The following SCP2 variants were observed in gnomAD, a reference collection of about 807,000 sequenced individuals.
The protein encoded by SCP2 is sterol carrier protein 2, also known as SCP-2/3-oxoacyl-CoA thiolase.
A neutral mutation model predicts 71.4 loss-of-function variants in SCP2; 48 were observed. That is an observed-to-expected ratio of 0.67 (90% CI 0.53 to 0.86). The LOEUF is 0.86. Among genes scored for constraint, SCP2 ranks in the 40% least tolerant of loss-of-function variants. SCP2 has a pLI of 0.00. For missense variants in SCP2, 560 were observed against 655.6 expected, an observed-to-expected ratio of 0.85 and a Z score of 1.59; for synonymous variants, 220 against 218.1, an observed-to-expected ratio of 1.01 and a Z score of -0.08.
chr1:53,027,997 G>A lies in SCP2; in HGVS notation c.1264G>A (p.Val422Ile), dbSNP rs370480896. ...SSFRTHQIEA[V>I]PTSSASDGFK... The stretch of plus-strand genomic sequence containing the variant: ...TTTTAGAACTCATCAAATTGAAGCT[G>A]TTCCAACCAGCTCTGCAAGTGATGG... Residue 422 changes from valine to isoleucine, a missense_variant, in exon 13 of 16, where the codon GTT becomes ATT. By Grantham distance (29) the Val-to-Ile change is conservative. Coordinates refer to ENST00000371514, the MANE Select transcript of SCP2 (RefSeq NM_002979.5). 1.2e-5 allele frequency: 20 copies of A among 1,610,618 alleles called. No homozygotes were observed. The highest frequency in any genetic ancestry group is 4.0e-5 in the African/African-American group (3 of 74,812).
intron 13 of SCP2, among the ~76,000 whole-genome samples, chr1:53,037,868 C>T (rs948073088): frequency 7.2e-6 from 1 of 139,398 alleles, no homozygotes; most frequent in African/African-American, 2.7e-5. Context: ...TAGGGAGATC[C>T]TGTCTCTACA....
intron 11 of SCP2, among the ~76,000 whole-genome samples, chr1:52,990,102 T>G (rs1659337596): frequency 6.6e-6 from 1 of 152,160 alleles, no homozygotes; most frequent in African/African-American, 2.4e-5. Flanking sequence ...AAGAGAAAAT[T>G]CAGTGGCCAT....
intron 10 of SCP2, 79 bp from the exon 11 acceptor site, chr1:52,987,950 A>T: frequency 1.3e-6 from 1 of 796,124 alleles, no homozygotes; most frequent in Non-Finnish European, 2.2e-6. Context: ...ATTCTTGGCT[A>T]TATGGAAATC....
intron 5 of SCP2, among the ~76,000 whole-genome samples, chr1:52,960,701 G>A (rs908099713): frequency 1.4e-5 from 2 of 143,298 alleles, no homozygotes; most frequent in Admixed American, 7.0e-5. Context: ...TGTGTGTTGT[G>A]TGTATATATT....
chr1:52,976,651 C>G, intron 7 of SCP2, 32 bp from the exon 8 acceptor site: 1 of 1,077,896 alleles, frequency 9.3e-7, no homozygotes. Flanking sequence ...TGCTATCTCA[C>G]ATTCTGTAAC....
intron 1 of SCP2, among the ~76,000 whole-genome samples, chr1:52,938,219 A>G (rs187904030): frequency 1.4e-4 from 22 of 152,352 alleles, no homozygotes; most frequent in Admixed American, 1.1e-3. Context: ...CTCAGGAGAC[A>G]AGTCCTGTTG....
At chr1:53,007,218 C>T (rs557591841) in intron 11 of SCP2, among the ~76,000 whole-genome samples, 6 of 152,024 alleles carry the variant, frequency 3.9e-5, no homozygotes, top group Admixed American at 1.3e-4. Context: ...ATTAGATCAA[C>T]GAGAGAGAAA....
rs189555503 is a variant in SCP2 at position 52,939,960 on chromosome 1, A to G, written c.70-1836A>G. ...GCTGGGATTACAGATGTGTGCCACCATGCCCAACCTGTACATGTTTAGTTT... is the reference window on the plus strand; with the variant it reads ...GCTGGGATTACAGATGTGTGCCACCGTGCCCAACCTGTACATGTTTAGTTT... On this transcript the variant is annotated intron_variant, in intron 1 of 15. Coordinates refer to ENST00000371514, the MANE Select transcript of SCP2 (RefSeq NM_002979.5). Among the ~76,000 whole-genome samples the G allele has an allele frequency of 5.1e-3, 778 of 152,224 alleles. 8 individuals are homozygous for G. Among genetic ancestry groups the G allele is most frequent in the African/African-American group, 0.018 (758 of 41,546 alleles).
intron 5 of SCP2, among the ~76,000 whole-genome samples, chr1:52,956,755 G>GA (rs1217743381): frequency 1.3e-5 from 2 of 152,104 alleles, no homozygotes; most frequent in African/African-American, 4.8e-5. Context: ...TATGATACAT[G>GA]AAAAATATGT....
chr1:53,027,133 C>T (rs1662190396), intron 12 of SCP2, among the ~76,000 whole-genome samples: 1 of 152,040 alleles, frequency 6.6e-6, no homozygotes, highest in South Asian at 2.1e-4. Flanking sequence ...TAGAAATGGT[C>T]TGGTTCCATC....
intron 5 of SCP2, among the ~76,000 whole-genome samples, chr1:52,955,985 C>T (rs1655757511): frequency 1.3e-5 from 2 of 150,288 alleles, no homozygotes; most frequent in Non-Finnish European, 3.0e-5. Flanking sequence ...AAAAAAAAAA[C>T]TAAACAGAAT....
At chr1:52,980,040 C>G (rs1350303155) in intron 9 of SCP2, among the ~76,000 whole-genome samples, 1 of 151,782 alleles carries the variant, frequency 6.6e-6, no homozygotes, top group Admixed American at 6.6e-5. Context: ...GTGGGGTGAT[C>G]CTGGTTCCCT....
At chr1:53,047,343 G>A (rs1663884951) in intron 14 of SCP2, among the ~76,000 whole-genome samples, 1 of 152,216 alleles carries the variant, frequency 6.6e-6, no homozygotes, top group South Asian at 2.1e-4. Context: ...CTAGAAGCAA[G>A]TCACAGGTTC....
At chr1:53,010,718 G>GTA (rs1393583763) in intron 11 of SCP2, among the ~76,000 whole-genome samples, 3 of 152,048 alleles carry the variant, frequency 2.0e-5, no homozygotes, top group Non-Finnish European at 2.9e-5. Flanking sequence ...CATGGCACAT[G>GTA]TATATATATG....
At chr1:53,007,997 A>T (rs1418779760) in intron 11 of SCP2, among the ~76,000 whole-genome samples, 5 of 152,196 alleles carry the variant, frequency 3.3e-5, no homozygotes, top group Non-Finnish European at 7.3e-5. Flanking sequence ...AATACTATAA[A>T]CACCTCTACT....
chr1:52,947,241 T>TAAA (rs34249724), intron 2 of SCP2, among the ~76,000 whole-genome samples: 21 of 54,448 alleles, frequency 3.9e-4, no homozygotes, highest in South Asian at 1.0e-3. Flanking sequence ...ATGTTGTCCT[T>TAAA]AAAAAAAAAA....
intron 5 of SCP2, among the ~76,000 whole-genome samples, chr1:52,957,111 T>C (rs1168984468): frequency 6.6e-6 from 1 of 152,166 alleles, no homozygotes; most frequent in African/African-American, 2.4e-5. Context: ...GGTTTCACCA[T>C]ATTGGCCAGG....
At chr1:52,966,683 A>C (rs1369688692) in intron 6 of SCP2, among the ~76,000 whole-genome samples, 1 of 149,720 alleles carries the variant, frequency 6.7e-6, no homozygotes, top group Non-Finnish European at 1.5e-5. Context: ...CAGGAGTTTG[A>C]GACCAGCCTG....
chr1:53,028,641 A>G (rs920713682), intron 13 of SCP2, among the ~76,000 whole-genome samples: 1 of 152,096 alleles, frequency 6.6e-6, no homozygotes, highest in Non-Finnish European at 1.5e-5. Context: ...CTTTTAAACA[A>G]AAGTTTAAAA....
Sources: allele counts gnomAD v4.1 joint callset (sites outside exome capture counted in the v4.1 genomes callset), GRCh38; gene constraint gnomAD v4.1.1; transcripts MANE v1.5; gene names NCBI Gene and HGNC (gene_info 2026-07-23, HGNC 2026-07-21).